Variants in ASTN2 observed in about 807,000 individuals in gnomAD.
The protein encoded by ASTN2 is astrotactin-2.
ASTN2 carries 54 observed loss-of-function variants against 139.8 expected under a neutral mutation model. The ratio of observed to expected loss-of-function variants is 0.39; its 90% CI spans 0.31 to 0.48. The LOEUF (loss-of-function observed/expected upper bound fraction) is 0.48. Among genes scored for constraint, ASTN2 ranks in the 20% least tolerant of loss-of-function variants. ASTN2 has a pLI of 0.95. For missense variants in ASTN2, 1,565 were observed against 1,725.1 expected, an observed-to-expected ratio of 0.91 and a Z score of 1.64; for synonymous variants, 756 against 719.5, an observed-to-expected ratio of 1.05 and a Z score of -0.81.
chr9:117,172,968 G>C (rs1222800684), intron 3 of ASTN2, among the ~76,000 whole-genome samples: 1 of 152,092 alleles, frequency 6.6e-6, no homozygotes, highest in African/African-American at 2.4e-5. Flanking sequence ...AGCATTCGCA[G>C]TTACCTATGC....
At chr9:117,150,507 C>T (rs1422549847) in intron 3 of ASTN2, among the ~76,000 whole-genome samples, 1 of 152,156 alleles carries the variant, frequency 6.6e-6, no homozygotes, top group Non-Finnish European at 1.5e-5. Flanking sequence ...ACCTTGATAG[C>T]AATGTGCAGG....
intron 7 of ASTN2, among the ~76,000 whole-genome samples, chr9:116,997,713 G>C (rs1564376690): frequency 6.6e-6 from 1 of 152,066 alleles, no homozygotes; most frequent in Non-Finnish European, 1.5e-5. Context: ...TTAAGACATA[G>C]CTACTTGTAT....
chr9:116,780,435 G>A (rs139336185), intron 13 of ASTN2, among the ~76,000 whole-genome samples: 1 of 152,298 alleles, frequency 6.6e-6, no homozygotes, highest in African/African-American at 2.4e-5. Context: ...TGTATTCACC[G>A]TAATATAATC....
At chr9:116,784,648 G>C (rs1160371630) in intron 13 of ASTN2, among the ~76,000 whole-genome samples, 6 of 152,136 alleles carry the variant, frequency 3.9e-5, no homozygotes, top group Admixed American at 3.3e-4. Context: ...AGAGGAGAGA[G>C]GCTGTGTTGG....
At chr9:116,846,590 T>C (rs1399748849) in intron 11 of ASTN2, among the ~76,000 whole-genome samples, 4 of 152,192 alleles carry the variant, frequency 2.6e-5, no homozygotes, top group African/African-American at 9.7e-5. Context: ...GCTAATTATC[T>C]GAATATATGC....
Position 117,180,914 on chromosome 9 carries a change from T to C in ASTN2, c.1015+33444A>G, listed in dbSNP as rs982023457. 8 of 1,593,502 alleles carry C rather than the reference T, an allele frequency of 5.0e-6. No individual in the cohort carries two copies. The Admixed American group carries it at 8.3e-5, about 17-fold the overall frequency. ...CGCAGGGCCTCAATTACATGCTCCTTGTTCTGCAGCTTGGTGTGGATGGAC... is the reference window on the plus strand; with the variant it reads ...CGCAGGGCCTCAATTACATGCTCCTCGTTCTGCAGCTTGGTGTGGATGGAC... On this transcript the variant is annotated intron_variant, in intron 3 of 22. Coordinates refer to ENST00000313400, the MANE Select transcript of ASTN2 (RefSeq NM_001365068.1).
At chr9:117,067,799 C>T (rs1827996707) in intron 5 of ASTN2, among the ~76,000 whole-genome samples, 1 of 97,506 alleles carries the variant, frequency 1.0e-5, no homozygotes, top group Non-Finnish European at 2.3e-5. Context: ...CATGATTTGG[C>T]TCTCTGTTTG....
intron 17 of ASTN2, among the ~76,000 whole-genome samples, chr9:116,624,892 C>A (rs1856364368): frequency 6.6e-6 from 1 of 152,070 alleles, no homozygotes; most frequent in Non-Finnish European, 1.5e-5. Flanking sequence ...TCTTTTTACC[C>A]ACTGGCTCCA....
At chr9:116,490,928 T>C (rs909899993) in intron 19 of ASTN2, among the ~76,000 whole-genome samples, 1 of 152,224 alleles carries the variant, frequency 6.6e-6, no homozygotes, top group Non-Finnish European at 1.5e-5. Context: ...GATGAAAAGA[T>C]GGCTGATATT....
At position 117,414,373 on chromosome 9, in the gene ASTN2, A is replaced by T. The variant is rs1725294073; in HGVS notation, c.442+124T>A. ...TGTGCGACCTCTGGGCCCCTCCTCT[A>T]CCCTCTGCCAACCCCACTCGGGGCA... On this transcript the variant is annotated intron_variant, in intron 1 of 22. Coordinates refer to ENST00000313400, the MANE Select transcript of ASTN2 (RefSeq NM_001365068.1). The surrounding 1 kb of genome is among the most constrained non-coding windows in gnomAD (Gnocchi z 4.2). 1 of 1,458,602 alleles carries T rather than the reference A, an allele frequency of 6.9e-7. No individual in the cohort carries two copies. Among genetic ancestry groups the T allele is most frequent in the African/African-American group, 1.5e-5 (1 of 67,822 alleles). 90.4% of individuals were successfully genotyped at this position (1,458,602 alleles called of 1,614,324 possible).
intron 13 of ASTN2, among the ~76,000 whole-genome samples, chr9:116,800,523 G>A (rs894892284): frequency 1.3e-5 from 2 of 152,168 alleles, no homozygotes; most frequent in Non-Finnish European, 2.9e-5. Context: ...TCCCCATGGA[G>A]TGGTCTTTGC....
At chr9:117,247,484 A>C (rs904560486) in intron 2 of ASTN2, among the ~76,000 whole-genome samples, 1 of 152,192 alleles carries the variant, frequency 6.6e-6, no homozygotes, top group African/African-American at 2.4e-5. Flanking sequence ...CTTCATTTGT[A>C]ATAAGAGGGC....
At chr9:116,572,126 C>T (rs2131691311) in intron 19 of ASTN2, among the ~76,000 whole-genome samples, 1 of 152,220 alleles carries the variant, frequency 6.6e-6, no homozygotes, top group African/African-American at 2.4e-5. Flanking sequence ...GTGTCTCTGC[C>T]TCTGTGAAAT....
At chr9:117,291,222 G>A in intron 2 of ASTN2, 104 bp downstream of exon 2, 1 of 1,406,676 alleles carries the variant, frequency 7.1e-7, no homozygotes, top group Middle Eastern at 2.5e-4. Flanking sequence ...TCTTGAGTTT[G>A]GTTCTTTCCT....
intron 1 of ASTN2, among the ~76,000 whole-genome samples, chr9:117,380,420 C>T (rs1196491488): frequency 6.6e-6 from 1 of 152,008 alleles, no homozygotes; most frequent in Non-Finnish European, 1.5e-5. Context: ...TCCTGGCCGA[C>T]ATGGTGAAAC....
chr9:116,886,673 T>G (rs954432709), intron 10 of ASTN2, among the ~76,000 whole-genome samples: 1 of 151,832 alleles, frequency 6.6e-6, no homozygotes, highest in African/African-American at 2.4e-5. Flanking sequence ...GACTTGCTTT[T>G]TGTTGTTGTT....
intron 19 of ASTN2, chr9:116,585,239 C>A (rs1016685765): frequency 3.3e-5 from 5 of 152,180 alleles, no homozygotes; most frequent in Non-Finnish European, 7.3e-5. Context: ...CAAGTGATTT[C>A]TCCTGACAGA....
chr9:117,192,391 G>GA (rs56332042), intron 3 of ASTN2, among the ~76,000 whole-genome samples: 2 of 149,532 alleles, frequency 1.3e-5, no homozygotes, highest in Non-Finnish European at 3.0e-5. Flanking sequence ...CAGTGGCAAA[G>GA]AAAAAAAAGA....
intron 20 of ASTN2, among the ~76,000 whole-genome samples, chr9:116,444,980 T>A (rs545415025): frequency 9.9e-5 from 15 of 152,146 alleles, no homozygotes; most frequent in Non-Finnish European, 1.5e-4. Flanking sequence ...GAGAACAGCA[T>A]CAGGCAACAT....
Sources: allele counts gnomAD v4.1 joint callset (sites outside exome capture counted in the v4.1 genomes callset), GRCh38; gene constraint gnomAD v4.1.1; non-coding constraint Gnocchi (gnomAD v3.1); transcripts MANE v1.5; gene names NCBI Gene and HGNC (gene_info 2026-07-23, HGNC 2026-07-21).